IL10RB: variants seen among roughly 807,000 people sequenced by gnomAD.
The protein encoded by IL10RB is interleukin 10 receptor subunit beta.
A neutral mutation model predicts 38.7 loss-of-function variants in IL10RB; 30 were observed. The ratio of observed to expected loss-of-function variants is 0.78; its 90% CI spans 0.58 to 1.05. IL10RB has a LOEUF of 1.05. IL10RB is among the 50% of genes least tolerant of loss of function. The pLI is 0.00. For missense variants in IL10RB, 328 were observed against 397.1 expected (o/e 0.83, Z 1.48); for synonymous variants, 142 against 145.9 (o/e 0.97, Z 0.19).
At chr21:33,285,012 TC>T in intron 5 of IL10RB, among the ~76,000 whole-genome samples, 1 of 152,272 alleles carries the variant, frequency 6.6e-6, no homozygotes, top group East Asian at 1.9e-4. Context: ...TGCCTCAGCC[TC>T]CTGAATAGCT....
At chr21:33,290,741 G>T (rs186022917) in intron 6 of IL10RB, among the ~76,000 whole-genome samples, 20 of 152,362 alleles carry the variant, frequency 1.3e-4, no homozygotes, top group African/African-American at 4.8e-4. Context: ...CCTTCTTCCA[G>T]TCTGGCAGCT....
chr21:33,268,295 A>G, intron 1 of IL10RB, 99 bp from the exon 2 acceptor site: 1 of 1,589,100 alleles, frequency 6.3e-7, no homozygotes, highest in South Asian at 1.1e-5. Context: ...CTTTGAAGAC[A>G]TGGAGCCATA....
intron 6 of IL10RB, 143 bp downstream of exon 6, chr21:33,288,404 C>G (rs55712342): frequency 9.1e-6 from 6 of 657,120 alleles, no homozygotes; most frequent in Non-Finnish European, 1.7e-5. Context: ...CACACACACA[C>G]AGACACGCCT....
chr21:33,309,232 AC>A (rs1397402678), exon 2 of IL10RB: 1 of 152,252 alleles, frequency 6.6e-6, no homozygotes, highest in African/African-American at 2.4e-5. Flanking sequence ...CACCAATAAC[AC>A]CAGCATATGC....
At chr21:33,274,374 AT>A (rs943605913) in intron 2 of IL10RB, among the ~76,000 whole-genome samples, 8 of 151,990 alleles carry the variant, frequency 5.3e-5, no homozygotes, top group African/African-American at 1.9e-4. Flanking sequence ...GGGTTTCACC[AT>A]GTTGGCCAGG....
At chr21:33,280,562 A>G (rs1355215748) in intron 4 of IL10RB, among the ~76,000 whole-genome samples, 1 of 152,242 alleles carries the variant, frequency 6.6e-6, no homozygotes, top group Non-Finnish European at 1.5e-5. Flanking sequence ...TGATGTATAT[A>G]TGGTCAGTAC....
intron 5 of IL10RB, among the ~76,000 whole-genome samples, chr21:33,285,688 C>T (rs1281615952): frequency 6.6e-6 from 1 of 152,188 alleles, no homozygotes; most frequent in African/African-American, 2.4e-5. Flanking sequence ...AATAAAATAA[C>T]AGGGCGGGGC....
At chr21:33,271,490 AG>A (rs1456690924) in intron 2 of IL10RB, among the ~76,000 whole-genome samples, 2 of 152,252 alleles carry the variant, frequency 1.3e-5, no homozygotes, top group Admixed American at 1.3e-4. Context: ...GCACTTTGGG[AG>A]GCCGAGGTGG....
At chr21:33,293,398 C>A (rs1010003727) in intron 6 of IL10RB, among the ~76,000 whole-genome samples, 3 of 152,208 alleles carry the variant, frequency 2.0e-5, no homozygotes, top group African/African-American at 7.2e-5. Context: ...CTCCGATATT[C>A]CTGGAGGCTG....
intron 1 of IL10RB, among the ~76,000 whole-genome samples, chr21:33,266,854 C>G (rs554413422): frequency 1.3e-5 from 2 of 152,142 alleles, no homozygotes; most frequent in Non-Finnish European, 2.9e-5. Context: ...AAGATCCCAC[C>G]GTGGCTGTCA....
intron 5 of IL10RB, among the ~76,000 whole-genome samples, chr21:33,284,043 C>G (rs958531833): frequency 6.6e-5 from 10 of 152,140 alleles, no homozygotes; most frequent in Admixed American, 3.3e-4. Flanking sequence ...CGCCTGTAAT[C>G]CTAACACTTT....
At chr21:33,307,376 T>G (rs1382443417) in intron 1 of IL10RB, among the ~76,000 whole-genome samples, 1 of 152,156 alleles carries the variant, frequency 6.6e-6, no homozygotes, top group Non-Finnish European at 1.5e-5. Flanking sequence ...TGGTCTTTCA[T>G]TGACTCTTTG....
At chr21:33,302,282 T>A (rs1184803406) in intron 1 of IL10RB, among the ~76,000 whole-genome samples, 1 of 152,232 alleles carries the variant, frequency 6.6e-6, no homozygotes, top group African/African-American at 2.4e-5. Context: ...GAGCTGCCAA[T>A]CAGGCATAAG....
chr21:33,308,518 A>G (rs1233124075), intron 1 of IL10RB: 2 of 152,252 alleles, frequency 1.3e-5, no homozygotes, highest in Non-Finnish European at 1.5e-5. Context: ...GAGGACATCT[A>G]TAGAAGTAGA....
chr21:33,268,855 T>A (rs907228674), intron 2 of IL10RB, among the ~76,000 whole-genome samples: 2 of 152,210 alleles, frequency 1.3e-5, no homozygotes, highest in Admixed American at 1.3e-4. Flanking sequence ...TTGATATATT[T>A]TAAAAGAAAA....
intron 4 of IL10RB, among the ~76,000 whole-genome samples, chr21:33,282,143 A>G (rs940115505): frequency 2.6e-5 from 4 of 152,038 alleles, no homozygotes; most frequent in Non-Finnish European, 5.9e-5. Flanking sequence ...CATATATTCC[A>G]TAAGTCTAAT....
chr21:33,300,419 T>G (rs1387991951), downstream of IL10RB, among the ~76,000 whole-genome samples: 2 of 139,774 alleles, frequency 1.4e-5, no homozygotes, highest in East Asian at 4.2e-4. Flanking sequence ...CCAGCCTGGG[T>G]GACAAGAGGG....
At chr21:33,309,770 A>G (rs556903081) in exon 2 of IL10RB, 1 of 152,366 alleles carries the variant, frequency 6.6e-6, no homozygotes, top group East Asian at 1.9e-4. Flanking sequence ...CAGAGGAGTT[A>G]CTACCTCTAC....
At chr21:33,285,835 G>T (rs45625238) in intron 5 of IL10RB, among the ~76,000 whole-genome samples, 1 of 152,154 alleles carries the variant, frequency 6.6e-6, no homozygotes, top group African/African-American at 2.4e-5. Context: ...GAGACCTCAC[G>T]TGTCCAGCTG....
Sources: gnomAD v4.1 joint callset for allele counts (sites outside exome capture counted in the v4.1 genomes callset) on GRCh38, gnomAD v4.1.1 for gene constraint, MANE v1.5 for transcripts, NCBI Gene and HGNC (gene_info 2026-07-23, HGNC 2026-07-21) for gene names.